EPSTI1: variants seen among roughly 807,000 people sequenced by gnomAD.
EPSTI1 encodes the protein epithelial-stromal interaction protein 1.
Under a neutral mutation model 49.9 loss-of-function variants are expected in EPSTI1, and 66 were observed. That is an observed-to-expected ratio of 1.32 (90% CI 1.08 to 1.62). The LOEUF is 1.62. Among genes scored for constraint, EPSTI1 ranks in the 40% most tolerant of loss-of-function variants. EPSTI1 has a pLI of 0.00. For synonymous variants in EPSTI1, 137 were observed against 130.7 expected, an observed-to-expected ratio of 1.05 and a Z score of -0.33; for missense variants, 394 against 365.5, an observed-to-expected ratio of 1.08 and a Z score of -0.64.
chr13:42,917,636 C>CAAAAA lies in EPSTI1; in HGVS notation c.658-13_658-12insTTTTT. The CAAAAA allele has an allele frequency of 1.3e-5, 2 of 153,532 alleles. No homozygotes were observed. Among genetic ancestry groups the CAAAAA allele is most frequent in the Non-Finnish European group, 2.1e-5 (2 of 93,654 alleles). 9.5% of individuals were successfully genotyped at this position (153,532 alleles called of 1,614,324 possible). On this transcript the variant is annotated splice_polypyrimidine_tract_variant and intron_variant, in intron 7 of 10. Coordinates refer to ENST00000313624, the MANE Select transcript of EPSTI1 (RefSeq NM_033255.5). Reference sequence around the variant, plus strand: ...GCCCAGCTTCTGGCCTGTAAAGGTACAAAGAGAAAAAAAAAAAAAAAAACA... The same window carrying CAAAAA: ...GCCCAGCTTCTGGCCTGTAAAGGTACAAAAAAAAGAGAAAAAAAAAAAAAAAAACA...
At chr13:42,973,285 A>T (rs927551394) in intron 1 of EPSTI1, among the ~76,000 whole-genome samples, 1 of 152,238 alleles carries the variant, frequency 6.6e-6, no homozygotes, top group Non-Finnish European at 1.5e-5. Context: ...ACAGGTACCT[A>T]ATAGAGAAAC....
chr13:42,940,549 G>A (rs1446882918), intron 6 of EPSTI1, among the ~76,000 whole-genome samples: 1 of 152,086 alleles, frequency 6.6e-6, no homozygotes, highest in Non-Finnish European at 1.5e-5. Context: ...CACATTTATC[G>A]GTGCTTATCA....
chr13:42,964,254 T>C (rs1428225970), intron 3 of EPSTI1, 115 bp from the exon 4 acceptor site: 5 of 714,092 alleles, frequency 7.0e-6, no homozygotes, highest in Middle Eastern at 3.6e-4. Flanking sequence ...AACATTCTCA[T>C]GCTCTTGCAA....
rs571301617 is a variant in EPSTI1 at position 42,964,720 on chromosome 13, T to C, written c.332-581A>G. 2.0e-5 allele frequency among the ~76,000 whole-genome samples: 3 copies of C among 152,338 alleles called. No homozygotes were observed. In the East Asian group the frequency reaches 5.8e-4, roughly 29 times the overall value. ...TCAATCCATACTATTTATTGTTCTTTCCTTATATAGTCAAAATAAAAATAT... is the reference window on the plus strand; with the variant it reads ...TCAATCCATACTATTTATTGTTCTTCCCTTATATAGTCAAAATAAAAATAT... On this transcript the variant is annotated intron_variant, in intron 3 of 10. Transcript: ENST00000313624.
chr13:42,992,222 C>G lies in EPSTI1; in HGVS notation c.-57G>C. 6.8e-7 allele frequency: 1 copy of G among 1,473,254 alleles called. No homozygotes were observed. Among genetic ancestry groups the G allele is most frequent in the South Asian group, 1.4e-5 (1 of 71,816 alleles). 91.3% of individuals were successfully genotyped at this position (1,473,254 alleles called of 1,614,324 possible). A position where few individuals can be genotyped will look rare whatever the true frequency, so the allele number is the denominator to read the frequency against. On this transcript the variant is annotated 5_prime_UTR_variant, in exon 1 of 11. Transcript: ENST00000313624. ...CGCTGCGGGAGGGATGCGGCTGGGA[C>G]GCTTAGCGAGTCTCAAGATGGGATT...
intron 10 of EPSTI1, among the ~76,000 whole-genome samples, chr13:42,889,879 C>A (rs778936932): frequency 1.3e-5 from 2 of 152,054 alleles, no homozygotes; most frequent in Admixed American, 6.5e-5. Context: ...CTTTTATTTT[C>A]TAAAATGTAA....
chr13:42,955,820 A>C (rs568515565), intron 5 of EPSTI1, among the ~76,000 whole-genome samples: 12 of 147,546 alleles, frequency 8.1e-5, no homozygotes, highest in African/African-American at 2.7e-4. Flanking sequence ...AAACAAAAAA[A>C]AACAAAAAAT....
chr13:42,903,375 A>G (rs2037414594), intron 8 of EPSTI1, among the ~76,000 whole-genome samples: 1 of 152,194 alleles, frequency 6.6e-6, no homozygotes, highest in Admixed American at 6.5e-5. Context: ...TCATATGAGA[A>G]CACATGGATG....
intron 8 of EPSTI1, among the ~76,000 whole-genome samples, chr13:42,901,408 T>C (rs2037348113): frequency 6.6e-6 from 1 of 152,214 alleles, no homozygotes; most frequent in South Asian, 2.1e-4. Context: ...ATATTCCAAA[T>C]ACATTGCTCA....
At chr13:42,974,314 C>G (rs1023832822) in intron 1 of EPSTI1, among the ~76,000 whole-genome samples, 2 of 149,060 alleles carry the variant, frequency 1.3e-5, no homozygotes, top group Non-Finnish European at 3.0e-5. Context: ...CCAGCCTGGC[C>G]GATAACAGTG....
intron 10 of EPSTI1, among the ~76,000 whole-genome samples, chr13:42,892,406 G>A (rs1215477635): frequency 1.3e-5 from 2 of 152,210 alleles, no homozygotes; most frequent in Admixed American, 6.5e-5. Context: ...GCAGGATAAT[G>A]ATGATAAGGG....
At chr13:42,935,282 G>A (rs2038520866) in intron 6 of EPSTI1, among the ~76,000 whole-genome samples, 1 of 152,072 alleles carries the variant, frequency 6.6e-6, no homozygotes, top group Non-Finnish European at 1.5e-5. Flanking sequence ...TTTAATTCTT[G>A]CGCAGCTTAG....
rs552954216 is a variant in EPSTI1 at position 42,959,372 on chromosome 13, T to G, written c.489+3883A>C. 7.2e-5 allele frequency among the ~76,000 whole-genome samples: 11 copies of G among 152,338 alleles called. No individual in the cohort carries two copies. In the South Asian group the frequency reaches 1.2e-3, roughly 17 times the overall value. ...TAGGAGCCACATTTCTTGGAAACAC[T>G]GATGTTCCCTGAAAGTTTTCAGAAA... On this transcript the variant is annotated intron_variant, in intron 5 of 10. Transcript: ENST00000313624.
chr13:42,983,563 C>CAAAAAAAAAAAAAAAAAAAAAAAAAAAAA (rs56259281), intron 1 of EPSTI1, among the ~76,000 whole-genome samples: 1 of 95,498 alleles, frequency 1.0e-5, no homozygotes, highest in Non-Finnish European at 1.9e-5. Context: ...GACTCCATCT[C>CAAAAAAAAAAAAAAAAAAAAAAAAAAAAA]AAAAAAAAAA....
chr13:42,942,730 G>A lies in EPSTI1; in HGVS notation c.563+11218C>T, dbSNP rs1426008811. Among the ~76,000 whole-genome samples the A allele has an allele frequency of 9.9e-5, 13 of 131,466 alleles. No individual in the cohort carries two copies. The East Asian group carries it at 2.6e-3, about 27-fold the overall frequency. The allele number at this position is 131,466 out of a possible 152,430, so 86.2% of individuals were successfully genotyped here. ...GGAGTCTTGCTCTGTCGCCCAGGCC[G>A]GACTGCAGACTGCAGTGGCGCAATC... On this transcript the variant is annotated intron_variant, in intron 6 of 10. Coordinates refer to ENST00000313624, the MANE Select transcript of EPSTI1 (RefSeq NM_033255.5).
chr13:42,940,791 A>G (rs2038727194), intron 6 of EPSTI1, among the ~76,000 whole-genome samples: 1 of 152,190 alleles, frequency 6.6e-6, no homozygotes, highest in Non-Finnish European at 1.5e-5. Flanking sequence ...AAGTATTATC[A>G]ATCCATTGAT....
chr13:42,901,860 C>T (rs972935933), intron 8 of EPSTI1, among the ~76,000 whole-genome samples: 2 of 152,084 alleles, frequency 1.3e-5, no homozygotes, highest in Non-Finnish European at 2.9e-5. Flanking sequence ...TGGTGCGCTG[C>T]ACCCACTAAC....
intron 1 of EPSTI1, among the ~76,000 whole-genome samples, chr13:42,972,894 C>T (rs7139673): frequency 0.63 from 95,014 of 151,906 alleles, 29,881 homozygotes; most frequent in Middle Eastern, 0.83. Context: ...AAAAAGAATA[C>T]CCAAACAAGT....
At chr13:42,929,934 G>A (rs1335818075) in intron 6 of EPSTI1, among the ~76,000 whole-genome samples, 1 of 152,166 alleles carries the variant, frequency 6.6e-6, no homozygotes, top group Non-Finnish European at 1.5e-5. Context: ...ACCAGTGTGG[G>A]GCTGGCTATA....
Sources: gnomAD v4.1 joint callset for allele counts (sites outside exome capture counted in the v4.1 genomes callset) on GRCh38, gnomAD v4.1.1 for gene constraint, MANE v1.5 for transcripts, NCBI Gene and HGNC (gene_info 2026-07-23, HGNC 2026-07-21) for gene names.